The following NR5A1 variants were observed in gnomAD, a reference collection of about 807,000 sequenced individuals.
NR5A1 encodes nuclear receptor subfamily 5 group A member 1, also known as steroidogenic factor 1.
Under a neutral mutation model 42.7 loss-of-function variants are expected in NR5A1, and 6 were observed. The ratio of observed to expected loss-of-function variants is 0.14; its 90% CI spans 0.08 to 0.28. The LOEUF is 0.28. NR5A1 is among the 10% of genes least tolerant of loss of function. The pLI is 1.00. For synonymous variants in NR5A1, 274 were observed against 277.5 expected, an observed-to-expected ratio of 0.99 and a Z score of 0.12; for missense variants, 442 against 626.4, an observed-to-expected ratio of 0.71 and a Z score of 3.14.
Position 124,482,705 on chromosome 9 carries a change from CAG to C in NR5A1, c.*51_*52del. On this transcript the variant is annotated 3_prime_UTR_variant, in exon 7 of 7. Transcript: ENST00000373588. ...CCAGCGGTGTGGCTGCGGCCCCGCC[CAG>C]GCCCCGCCCCCAGTCCCGCCCCCAG... 1.6e-6 allele frequency: 1 copy of C among 633,280 alleles called. No individual in the cohort carries two copies. Among genetic ancestry groups the C allele is most frequent in the Non-Finnish European group, 2.8e-6 (1 of 361,900 alleles). The allele number at this position is 633,280 out of a possible 1,614,324, so 39.2% of individuals were successfully genotyped here. A position where few individuals can be genotyped will look rare whatever the true frequency, so the allele number is the denominator to read the frequency against.
At chr9:124,486,936 C>T (rs972567019) in intron 6 of NR5A1, among the ~76,000 whole-genome samples, 1 of 152,256 alleles carries the variant, frequency 6.6e-6, no homozygotes, top group African/African-American at 2.4e-5. Flanking sequence ...CTGTCATCTG[C>T]ACAACAGGGG....
At chr9:124,499,346 G>A (rs1564152053) in intron 4 of NR5A1, among the ~76,000 whole-genome samples, 1 of 152,312 alleles carries the variant, frequency 6.6e-6, no homozygotes, top group East Asian at 1.9e-4. Context: ...GGGAAAGAAG[G>A]CCATGCCATA....
chr9:124,491,762 CCCTTGTA>C (rs1248599956), intron 5 of NR5A1, among the ~76,000 whole-genome samples: 10 of 152,272 alleles, frequency 6.6e-5, no homozygotes, highest in African/African-American at 2.4e-4. Context: ...GCCACACCCG[CCCTTGTA>C]CGCTCACACT....
At position 124,501,713 on chromosome 9, in the gene NR5A1, G is replaced by T. The variant is rs943599555; in HGVS notation, c.245-998C>A. Among the ~76,000 whole-genome samples the T allele has an allele frequency of 6.6e-6, 1 of 152,222 alleles. No homozygotes were observed. Among genetic ancestry groups the T allele is most frequent in the African/African-American group, 2.4e-5 (1 of 41,460 alleles). ...CTGGCCCCTTGGGACCTGGCACTAG[G>T]GGCATGGGCTCTGGGGACAGGACAG... On this transcript the variant is annotated intron_variant, in intron 3 of 6. Transcript: ENST00000373588. The surrounding 1 kb of genome is among the most constrained non-coding windows in gnomAD (Gnocchi z 4.1).
intron 4 of NR5A1, among the ~76,000 whole-genome samples, chr9:124,497,290 A>T (rs147960482): frequency 6.6e-6 from 1 of 152,230 alleles, no homozygotes; most frequent in African/African-American, 2.4e-5. Context: ...GAGTGAAGTC[A>T]CTTGCCCAAA....
chr9:124,498,826 G>A lies in NR5A1; in HGVS notation c.870+1264C>T, dbSNP rs937257186. On this transcript the variant is annotated intron_variant, in intron 4 of 6. Transcript: ENST00000373588. The surrounding 1 kb of genome is among the most constrained non-coding windows in gnomAD (Gnocchi z 4.6). Reference sequence around the variant, plus strand: ...TGACAGGCGCTCCACGGTGGAAGCCGTAGCCACCACCATCAATCCTCGACT... The same window carrying A: ...TGACAGGCGCTCCACGGTGGAAGCCATAGCCACCACCATCAATCCTCGACT... 6.6e-6 allele frequency among the ~76,000 whole-genome samples: 1 copy of A among 152,206 alleles called. No individual in the cohort carries two copies. Among genetic ancestry groups the A allele is most frequent in the African/African-American group, 2.4e-5 (1 of 41,454 alleles).
At chr9:124,493,626 C>T (rs571988399) in intron 4 of NR5A1, among the ~76,000 whole-genome samples, 5 of 152,336 alleles carry the variant, frequency 3.3e-5, no homozygotes, top group African/African-American at 1.2e-4. Context: ...CCCAACTGCT[C>T]AAACAGGAGC....
chr9:124,481,270 G>A lies in NR5A1; in HGVS notation c.*1488C>T, dbSNP rs1303082632. 2 of 152,154 alleles carry A rather than the reference G, an allele frequency of 1.3e-5. No individual in the cohort carries two copies. The highest frequency in any genetic ancestry group is 2.4e-5 in the African/African-American group (1 of 41,382). 9.4% of individuals were successfully genotyped at this position (152,154 alleles called of 1,614,324 possible). A position where few individuals can be genotyped will look rare whatever the true frequency, so the allele number is the denominator to read the frequency against. ...ATTGCGAAATTTATTCCAGGGCTGT[G>A]GGGGCTGGGGTGATCCTTAAGGGCA... On this transcript the variant is annotated 3_prime_UTR_variant, in exon 7 of 7. Transcript: ENST00000373588.
rs201827533 is a variant in NR5A1 at position 124,503,179 on chromosome 9, C to A, written c.144G>T (p.Thr48=). ...TCTTGCAGCTCTGGCTCTCGGTGCA[C>A]GTGTAGTGCTTGTTGTTCTGCACCG... The part of the protein sequence containing the change: ...KRTVQNNKHY[T]CTESQSCKID... The change falls in exon 3 of 7, where the codon ACG becomes ACT. Residue 48 remains threonine (T), a synonymous_variant. Coordinates refer to ENST00000373588, the MANE Select transcript of NR5A1 (RefSeq NM_004959.5). This position sits in a 1 kb window ranked among gnomAD's most constrained non-coding sequence, Gnocchi z 9.6. 149 of 1,602,476 alleles carry A rather than the reference C, an allele frequency of 9.3e-5. No individual in the cohort carries two copies. Among genetic ancestry groups the A allele is most frequent in the Non-Finnish European group, 1.8e-5 (21 of 1,175,494 alleles).
intron 5 of NR5A1, among the ~76,000 whole-genome samples, chr9:124,492,060 T>A (rs746778329): frequency 8.5e-4 from 130 of 152,186 alleles, no homozygotes; most frequent in Non-Finnish European, 1.3e-3. Flanking sequence ...CGATGGCCTG[T>A]GACACCGAGG....
intron 6 of NR5A1, among the ~76,000 whole-genome samples, 176 bp downstream of exon 6, chr9:124,490,905 C>G (rs529585619): frequency 7.2e-4 from 109 of 152,344 alleles, no homozygotes; most frequent in South Asian, 1.7e-3. Flanking sequence ...GAGCCAGGCC[C>G]TGGCCGGGGG....
chr9:124,501,455 C>T lies in NR5A1; in HGVS notation c.245-740G>A, dbSNP rs536047182. On this transcript the variant is annotated intron_variant, in intron 3 of 6. Coordinates refer to ENST00000373588, the MANE Select transcript of NR5A1 (RefSeq NM_004959.5). This position sits in a 1 kb window ranked among gnomAD's most constrained non-coding sequence, Gnocchi z 4.1. The stretch of plus-strand genomic sequence containing the variant: ...CGCCTGGCGAGGAATGTGTCATCAG[C>T]CAGACCCAACAGGTACATCTCTGCA... 8.5e-5 allele frequency among the ~76,000 whole-genome samples: 13 copies of T among 152,234 alleles called. No homozygotes were observed. The highest frequency in any genetic ancestry group is 1.5e-4 in the Non-Finnish European group (10 of 68,036).
In NR5A1 at chr9:124,500,110, T is replaced by C. The variant is rs750327837; in HGVS notation, c.850A>G (p.Met284Val). ...CTCACCTCCAGCTCCTTGAAGACCA[T>C]GCACCTGCGTGCCCAGTCCACGATG... ...ISIVDWARRC[M>V]VFKELEVADQ... is the part of the protein sequence containing the mutation. The change falls in exon 4 of 7, where the codon ATG (methionine) becomes GTG (valine). Residue 284 changes from methionine to valine, a missense_variant. By Grantham distance (21) the Met-to-Val change is conservative. Coordinates refer to ENST00000373588, the MANE Select transcript of NR5A1 (RefSeq NM_004959.5). This position sits in a 1 kb window ranked among gnomAD's most constrained non-coding sequence, Gnocchi z 6.9. 7 of 1,612,962 alleles carry C rather than the reference T, an allele frequency of 4.3e-6. No individual in the cohort carries two copies. In the South Asian group the frequency reaches 4.4e-5, roughly 10 times the overall value.
At position 124,483,133 on chromosome 9, in the gene NR5A1, C is replaced by T. The variant is rs7037254; in HGVS notation, c.1139-128G>A. On this transcript the variant is annotated intron_variant, in intron 6 of 6. Coordinates refer to ENST00000373588, the MANE Select transcript of NR5A1 (RefSeq NM_004959.5). ...ATCAAAGACATGGGCATTGCTGCCA[C>T]CAACCATGCAACATGGTCTCCCCGT... The T allele has an allele frequency of 0.49, 780,383 of 1,589,752 alleles. 198,577 individuals are homozygous for T. The highest frequency in any genetic ancestry group is 0.53 in the Non-Finnish European group (622,403 of 1,172,332).
rs1340426943 is a variant in NR5A1, at chr9:124,498,702, C to A, written c.870+1388G>T. On this transcript the variant is annotated intron_variant, in intron 4 of 6. Coordinates refer to ENST00000373588, the MANE Select transcript of NR5A1 (RefSeq NM_004959.5). This position sits in a 1 kb window ranked among gnomAD's most constrained non-coding sequence, Gnocchi z 4.6. ...TTCAAGACCCTGCCTTTTGCCTCATCCATTAGGTCGGACCAGAGAGGCGGG... is the reference window on the plus strand; with the variant it reads ...TTCAAGACCCTGCCTTTTGCCTCATACATTAGGTCGGACCAGAGAGGCGGG... Among the ~76,000 whole-genome samples the A allele has an allele frequency of 6.6e-6, 1 of 152,210 alleles. No individual in the cohort carries two copies. Among genetic ancestry groups the A allele is most frequent in the Non-Finnish European group, 1.5e-5 (1 of 68,036 alleles).
chr9:124,489,431 C>T (rs916337926), intron 6 of NR5A1, among the ~76,000 whole-genome samples: 2 of 152,266 alleles, frequency 1.3e-5, no homozygotes, highest in African/African-American at 4.8e-5. Flanking sequence ...CACACAAACT[C>T]TTCACACAGG....
rs1387950395 is a variant in NR5A1, at chr9:124,503,250, G to C, written c.103-30C>G. ...GGGAGCTGAGAGTCAGCGAGGCCCCGCAGCGCCCGTCTGCCGCACCCCTGC... is the reference window on the plus strand; with the variant it reads ...GGGAGCTGAGAGTCAGCGAGGCCCCCCAGCGCCCGTCTGCCGCACCCCTGC... On this transcript the variant is annotated intron_variant, in intron 2 of 6. Coordinates refer to ENST00000373588, the MANE Select transcript of NR5A1 (RefSeq NM_004959.5). The surrounding 1 kb of genome is among the most constrained non-coding windows in gnomAD (Gnocchi z 9.6). 6.2e-7 allele frequency: 1 copy of C among 1,602,340 alleles called. No individual in the cohort carries two copies. The highest frequency in any genetic ancestry group is 8.5e-7 in the Non-Finnish European group (1 of 1,175,346).
intron 4 of NR5A1, among the ~76,000 whole-genome samples, chr9:124,494,079 G>A (rs1832354543): frequency 6.6e-6 from 1 of 152,204 alleles, no homozygotes. Context: ...AAGCACACTG[G>A]GCACTGCAGA....
Position 124,503,477 on chromosome 9 carries a change from G to T in NR5A1, c.-15-67C>A. On this transcript the variant is annotated intron_variant, in intron 1 of 6. Coordinates refer to ENST00000373588, the MANE Select transcript of NR5A1 (RefSeq NM_004959.5). The surrounding 1 kb of genome is among the most constrained non-coding windows in gnomAD (Gnocchi z 9.6). ...GCAGCCTGGGGTCCCCGCGGCCGCC[G>T]CCCCAGCCGCTGTCGCCGGCCCGTC... is the stretch of plus-strand genomic sequence containing the variant. The T allele has an allele frequency of 7.5e-7, 1 of 1,330,108 alleles. No homozygotes were observed. The highest frequency in any genetic ancestry group is 1.0e-6 in the Non-Finnish European group (1 of 973,676). 82.4% of individuals were successfully genotyped at this position (1,330,108 alleles called of 1,614,324 possible). A position where few individuals can be genotyped will look rare whatever the true frequency, so the allele number is the denominator to read the frequency against.
Sources: gnomAD v4.1 joint callset for allele counts (sites outside exome capture counted in the v4.1 genomes callset) on GRCh38, gnomAD v4.1.1 for gene constraint, Gnocchi (gnomAD v3.1) non-coding constraint, MANE v1.5 for transcripts, NCBI Gene and HGNC (gene_info 2026-07-23, HGNC 2026-07-21) for gene names.